Variants in LPP observed in about 807,000 individuals in gnomAD.
The protein encoded by LPP is lipoma-preferred partner.
LPP carries 38 observed loss-of-function variants against 60.4 expected under a neutral mutation model. The observed-to-expected ratio is 0.63, with a 90% confidence interval of 0.49 to 0.83. The LOEUF (loss-of-function observed/expected upper bound fraction) is 0.83. LPP is among the 40% of genes least tolerant of loss of function. LPP has a pLI of 0.00. For synonymous variants in LPP, 328 were observed against 290.8 expected, an observed-to-expected ratio of 1.13 and a Z score of -1.30; for missense variants, 902 against 783.6, an observed-to-expected ratio of 1.15 and a Z score of -1.80.
chr3:188,609,502 T>C lies in LPP; in HGVS notation c.771T>C (p.Pro257=). The change falls in exon 7 of 12, where the codon CCT becomes CCC. Residue 257 remains proline, a synonymous_variant. Coordinates refer to ENST00000617246, the MANE Select transcript of LPP (RefSeq NM_001375462.1). The surrounding 1 kb of genome is among the most constrained non-coding windows in gnomAD (Gnocchi z 6.9). ...GPQGYNTQPV[P]VSGQCPPPST... Reference sequence around the variant, plus strand: ...AGGGCTATAACACTCAGCCAGTTCCTGTCTCTGGGCAGTGTCCACCTCCTT... The same window carrying C: ...AGGGCTATAACACTCAGCCAGTTCCCGTCTCTGGGCAGTGTCCACCTCCTT... 1 of 1,614,194 alleles carries C rather than the reference T, an allele frequency of 6.2e-7. No individual in the cohort carries two copies. The highest frequency in any genetic ancestry group is 1.1e-5 in the South Asian group (1 of 91,086).
intron 6 of LPP, among the ~76,000 whole-genome samples, chr3:188,552,125 T>C (rs912976937): frequency 7.9e-5 from 12 of 152,204 alleles, no homozygotes; most frequent in Admixed American, 4.6e-4. Flanking sequence ...ATCTCCAAAA[T>C]TGTGACCAGC....
chr3:188,597,200 A>C (rs1840158387), intron 6 of LPP, among the ~76,000 whole-genome samples: 1 of 152,158 alleles, frequency 6.6e-6, no homozygotes, highest in African/African-American at 2.4e-5. Flanking sequence ...GAGATGTGTG[A>C]TATTCACATT....
intron 6 of LPP, among the ~76,000 whole-genome samples, chr3:188,526,957 CT>C (rs1193520271): frequency 2.6e-5 from 4 of 152,190 alleles, no homozygotes; most frequent in African/African-American, 4.8e-5. Context: ...GTGACACAGT[CT>C]GATAATTCTT....
intron 1 of LPP, among the ~76,000 whole-genome samples, chr3:188,189,457 G>T (rs1427774525): frequency 1.3e-5 from 2 of 152,118 alleles, no homozygotes; most frequent in Non-Finnish European, 2.9e-5. Flanking sequence ...GATATAATTG[G>T]GGCCACGCTG....
At chr3:188,562,012 G>C (rs1830802760) in intron 6 of LPP, among the ~76,000 whole-genome samples, 1 of 151,850 alleles carries the variant, frequency 6.6e-6, no homozygotes, top group Non-Finnish European at 1.5e-5. Flanking sequence ...ACTGAATGTG[G>C]AGGCTTCTAC....
chr3:188,889,501 A>G lies in LPP; in HGVS notation c.*15022A>G. 1 of 230,788 alleles carries G rather than the reference A, an allele frequency of 4.3e-6. No individual in the cohort carries two copies. Among genetic ancestry groups the G allele is most frequent in the Non-Finnish European group, 8.6e-6 (1 of 116,478 alleles). 14.3% of individuals were successfully genotyped at this position (230,788 alleles called of 1,614,324 possible). ...CAGTTGGCTCCATATTCACTTGAAT[A>G]TGCCTCTGTTTGGGCAAAGCAAGAT... On this transcript the variant is annotated 3_prime_UTR_variant, in exon 12 of 12. Transcript: ENST00000617246.
At chr3:188,403,065 G>T (rs1782620850) in intron 3 of LPP, among the ~76,000 whole-genome samples, 1 of 152,190 alleles carries the variant, frequency 6.6e-6, no homozygotes, top group Non-Finnish European at 1.5e-5. Context: ...AATGGTAAGA[G>T]AAGATACTGA....
chr3:188,330,615 C>T (rs1021512840), intron 2 of LPP, among the ~76,000 whole-genome samples: 3 of 152,044 alleles, frequency 2.0e-5, no homozygotes, highest in Admixed American at 2.0e-4. Flanking sequence ...GTGCCTCATG[C>T]TTATAATCCC....
intron 8 of LPP, among the ~76,000 whole-genome samples, chr3:188,755,799 G>T: frequency 1.8e-5 from 2 of 110,164 alleles, no homozygotes; most frequent in Non-Finnish European, 3.5e-5. Context: ...AACAGAGTGA[G>T]ATCCTGTCAC....
At chr3:188,539,328 A>C (rs2150362219) in intron 6 of LPP, among the ~76,000 whole-genome samples, 1 of 152,328 alleles carries the variant, frequency 6.6e-6, no homozygotes, top group South Asian at 2.1e-4. Flanking sequence ...GGTAAGAAAG[A>C]AGCACATGGA....
intron 9 of LPP, among the ~76,000 whole-genome samples, chr3:188,853,971 G>A (rs573221409): frequency 6.6e-6 from 1 of 152,038 alleles, no homozygotes; most frequent in Admixed American, 6.5e-5. Flanking sequence ...CCTTTTTCAA[G>A]CAGTGTGGGT....
intron 7 of LPP, among the ~76,000 whole-genome samples, chr3:188,694,309 T>G (rs991284861): frequency 1.9e-4 from 29 of 152,366 alleles, no homozygotes; most frequent in African/African-American, 6.7e-4. Context: ...TTTATTTTAC[T>G]ATTTTAAGAT....
chr3:188,192,162 C>T lies in LPP; in HGVS notation c.-189-33243C>T, dbSNP rs556721907. 4.6e-5 allele frequency among the ~76,000 whole-genome samples: 7 copies of T among 152,296 alleles called. No individual in the cohort carries two copies. The East Asian group carries it at 1.4e-3, about 29-fold the overall frequency. On this transcript the variant is annotated intron_variant, in intron 1 of 11. Coordinates refer to ENST00000617246, the MANE Select transcript of LPP (RefSeq NM_001375462.1). ...ATCTTATAGCATCCTCAATGTAGTA[C>T]TTGATGTGCACACAAGGCACAGAGG...
At chr3:188,265,232 T>C (rs1735064697) in intron 2 of LPP, among the ~76,000 whole-genome samples, 1 of 152,202 alleles carries the variant, frequency 6.6e-6, no homozygotes, top group African/African-American at 2.4e-5. Flanking sequence ...GTTTCTTGAG[T>C]TTATCGCTAA....
chr3:188,811,349 T>TAC (rs1309187103), intron 9 of LPP, among the ~76,000 whole-genome samples: 5 of 101,324 alleles, frequency 4.9e-5, no homozygotes, highest in African/African-American at 1.7e-4. Flanking sequence ...TTAAGTGCTG[T>TAC]ATACACACAC....
Position 188,215,166 on chromosome 3 carries a change from C to A in LPP, c.-189-10239C>A, listed in dbSNP as rs149839973. ...ACTAAAAATACAAACATTAGCTGGG[C>A]CTGGTTGCATGCACCTGTGGTCCCA... On this transcript the variant is annotated intron_variant, in intron 1 of 11. Coordinates refer to ENST00000617246, the MANE Select transcript of LPP (RefSeq NM_001375462.1). 3.2e-3 allele frequency among the ~76,000 whole-genome samples: 480 copies of A among 152,134 alleles called. 4 individuals carry two copies. Among genetic ancestry groups the A allele is most frequent in the African/African-American group, 0.011 (463 of 41,498 alleles).
At chr3:188,740,139 A>G (rs1388214251) in intron 8 of LPP, among the ~76,000 whole-genome samples, 2 of 152,194 alleles carry the variant, frequency 1.3e-5, no homozygotes, top group African/African-American at 4.8e-5. Flanking sequence ...CAGGTTGTCA[A>G]TGTGAGAGCT....
intron 7 of LPP, among the ~76,000 whole-genome samples, chr3:188,702,065 T>G (rs1309882928): frequency 6.8e-6 from 1 of 146,354 alleles, no homozygotes; most frequent in African/African-American, 2.5e-5. Context: ...TTCTTCTGCC[T>G]CAGCCTCCAG....
chr3:188,766,180 T>C (rs9876346), intron 9 of LPP, among the ~76,000 whole-genome samples: 146,969 of 151,984 alleles, frequency 0.97, 71,091 homozygotes, highest in East Asian at 1. Flanking sequence ...CCATGTTAAA[T>C]TTTCTACGTG....
Sources: gnomAD v4.1 joint callset for allele counts (sites outside exome capture counted in the v4.1 genomes callset) on GRCh38, gnomAD v4.1.1 for gene constraint, Gnocchi (gnomAD v3.1) non-coding constraint, MANE v1.5 for transcripts, NCBI Gene and HGNC (gene_info 2026-07-23, HGNC 2026-07-21) for gene names.